NAV3: variants seen among roughly 807,000 people sequenced by gnomAD.
NAV3 encodes pore membrane and/or filament interacting like protein 1.
Under a neutral mutation model 244.7 loss-of-function variants are expected in NAV3, and 87 were observed. The ratio of observed to expected loss-of-function variants is 0.36; its 90% CI spans 0.30 to 0.42. The LOEUF (loss-of-function observed/expected upper bound fraction) is 0.42, where lower values mean the gene tolerates loss of function less well. Ranked by LOEUF, NAV3 falls within the 20% of genes least tolerant of loss-of-function variation. The pLI, the probability that NAV3 is intolerant of heterozygous loss-of-function variation, is 1.00. For synonymous variants in NAV3, 1,126 were observed against 1,042.2 expected, an observed-to-expected ratio of 1.08 and a Z score of -1.55; for missense variants, 2,663 against 2,893.3, an observed-to-expected ratio of 0.92 and a Z score of 1.83.
chr12:78,010,958 T>C (rs985331007), intron 8 of NAV3: 5 of 152,230 alleles, frequency 3.3e-5, no homozygotes, highest in African/African-American at 1.2e-4. Flanking sequence ...AGATTTCCTA[T>C]TAGCCTAACT....
At chr12:77,949,484 AT>A (rs944251604) in intron 3 of NAV3, among the ~76,000 whole-genome samples, 37 of 151,794 alleles carry the variant, frequency 2.4e-4, no homozygotes, top group African/African-American at 7.5e-4. Context: ...ATCTTCCGCT[AT>A]TTTTTTCCTT....
At chr12:78,002,969 A>T (rs1004988884) in intron 7 of NAV3, among the ~76,000 whole-genome samples, 2 of 151,654 alleles carry the variant, frequency 1.3e-5, no homozygotes, top group African/African-American at 4.8e-5. Context: ...CTGTACATAA[A>T]TTACATACTG....
intron 1 of NAV3, among the ~76,000 whole-genome samples, chr12:77,900,900 T>C (rs1462909886): frequency 1.3e-5 from 2 of 152,230 alleles, no homozygotes. Flanking sequence ...ATCTGTAGTT[T>C]GTTGACTTTT....
chr12:78,157,734 T>C (rs996786782), intron 22 of NAV3, among the ~76,000 whole-genome samples: 3 of 151,778 alleles, frequency 2.0e-5, no homozygotes, highest in Non-Finnish European at 4.4e-5. Flanking sequence ...GCTAACAAAT[T>C]TGGTGTATAA....
chr12:77,740,438 GA>G lies in NAV3; in HGVS notation c.72+168183del, dbSNP rs547388677. Among the ~76,000 whole-genome samples, 364 of 146,688 alleles carry G rather than the reference GA, an allele frequency of 2.5e-3. 2 individuals are homozygous for G. The highest frequency in any genetic ancestry group is 7.6e-3 in the African/African-American group (305 of 40,286). ...TATTGATTGAAGGAAACCTGATTTT[GA>G]AAAAAAAAAATCCATAGGAAAAAAT... On this transcript the variant is annotated intron_variant, in intron 2 of 8. Transcript: ENST00000550042.
chr12:77,912,661 A>G (rs1886718944), intron 1 of NAV3, among the ~76,000 whole-genome samples: 1 of 150,154 alleles, frequency 6.7e-6, no homozygotes, highest in South Asian at 2.1e-4. Context: ...ACAGAGTTTC[A>G]CTCTTGTGGC....
intron 24 of NAV3, among the ~76,000 whole-genome samples, chr12:78,171,812 T>C (rs1485477815): frequency 6.6e-6 from 1 of 151,594 alleles, no homozygotes; most frequent in Non-Finnish European, 1.5e-5. Context: ...TTTTAACATA[T>C]GATCTTAAAA....
At chr12:77,685,506 C>CACACACACACACACACACACAT (rs34407806) in intron 2 of NAV3, among the ~76,000 whole-genome samples, 1 of 150,606 alleles carries the variant, frequency 6.6e-6, no homozygotes, top group African/African-American at 2.4e-5. Flanking sequence ...CACACACACA[C>CACACACACACACACACACACAT]ATACCCACAC....
chr12:78,143,597 C>T (rs561685119), intron 20 of NAV3, among the ~76,000 whole-genome samples: 1 of 143,620 alleles, frequency 7.0e-6, no homozygotes, highest in Non-Finnish European at 1.5e-5. Flanking sequence ...TGCACTCCAG[C>T]CTGGGCGACA....
intron 12 of NAV3, among the ~76,000 whole-genome samples, chr12:78,079,724 C>A (rs1209510486): frequency 6.6e-6 from 1 of 152,116 alleles, no homozygotes; most frequent in Admixed American, 6.6e-5. Context: ...ACCCCAGTGC[C>A]CTGGTTTTAT....
chr12:77,659,281 C>A (rs1873303916), intron 2 of NAV3, among the ~76,000 whole-genome samples: 1 of 151,218 alleles, frequency 6.6e-6, no homozygotes, highest in Admixed American at 6.6e-5. Context: ...CAAACAACCC[C>A]ATGAAAAAGT....
At chr12:77,756,909 C>A (rs1869210188) in intron 2 of NAV3, among the ~76,000 whole-genome samples, 1 of 152,094 alleles carries the variant, frequency 6.6e-6, no homozygotes, top group South Asian at 2.1e-4. Context: ...TTGCTAGAAT[C>A]CCCCAATCTC....
intron 5 of NAV3, among the ~76,000 whole-genome samples, chr12:77,983,488 T>A (rs1200907710): frequency 1.3e-5 from 2 of 152,138 alleles, no homozygotes; most frequent in African/African-American, 4.8e-5. Context: ...AAAAAAAGTT[T>A]AGCTTTGGCC....
At chr12:78,045,507 A>G (rs1487809561) in intron 9 of NAV3, among the ~76,000 whole-genome samples, 1 of 151,950 alleles carries the variant, frequency 6.6e-6, no homozygotes, top group African/African-American at 2.4e-5. Flanking sequence ...GTTGGCCAGG[A>G]TTGTCTCAAA....
chr12:77,852,981 T>C (rs1877779740), intron 1 of NAV3, among the ~76,000 whole-genome samples: 1 of 152,222 alleles, frequency 6.6e-6, no homozygotes. Flanking sequence ...GCGATGTCTG[T>C]TGGGTAGATC....
intron 2 of NAV3, among the ~76,000 whole-genome samples, chr12:77,674,384 T>A (rs1874116793): frequency 6.7e-6 from 1 of 149,942 alleles, no homozygotes; most frequent in Admixed American, 6.6e-5. Flanking sequence ...TATTTTCAAA[T>A]TATACTTTTT....
intron 2 of NAV3, among the ~76,000 whole-genome samples, chr12:77,798,872 AT>A (rs1871558275): frequency 6.6e-6 from 1 of 152,186 alleles, no homozygotes; most frequent in Non-Finnish European, 1.5e-5. Context: ...GAAATTACGT[AT>A]TTGGAGGAGA....
At chr12:78,035,468 G>A (rs145867865) in intron 9 of NAV3, among the ~76,000 whole-genome samples, 2 of 152,186 alleles carry the variant, frequency 1.3e-5, no homozygotes, top group South Asian at 2.1e-4. Context: ...TATAGTGTAC[G>A]TACCAGTACA....
intron 12 of NAV3, among the ~76,000 whole-genome samples, chr12:78,107,691 C>T (rs1241980514): frequency 6.6e-6 from 1 of 151,876 alleles, no homozygotes; most frequent in Non-Finnish European, 1.5e-5. Flanking sequence ...GTTTCCCAGA[C>T]ACGAAAATGC....
Sources: gnomAD v4.1 joint callset for allele counts (sites outside exome capture counted in the v4.1 genomes callset) on GRCh38, gnomAD v4.1.1 for gene constraint, MANE v1.5 for transcripts, NCBI Gene and HGNC (gene_info 2026-07-23, HGNC 2026-07-21) for gene names.